The following GSN variants were observed in gnomAD, a reference collection of about 807,000 sequenced individuals.
The protein encoded by GSN is actin-depolymerizing factor.
A neutral mutation model predicts 85.7 loss-of-function variants in GSN; 56 were observed. The observed-to-expected ratio is 0.65, with a 90% CI of 0.53 to 0.82. The LOEUF (loss-of-function observed/expected upper bound fraction) is 0.82, where lower values mean the gene tolerates loss of function less well. GSN is among the 40% of genes least tolerant of loss of function. The probability of loss-of-function intolerance (pLI) is 0.00; values close to 1 mark genes in which losing one functional copy is unlikely to be tolerated. For missense variants in GSN, 857 were observed against 979.8 expected (o/e 0.87, Z 1.67); for synonymous variants, 373 against 399.1 (o/e 0.93, Z 0.78).
chr9:121,225,747 T>G (rs901184657), intron 4 of GSN, among the ~76,000 whole-genome samples: 1 of 152,196 alleles, frequency 6.6e-6, no homozygotes, highest in Non-Finnish European at 1.5e-5. Context: ...CTCCGAATGT[T>G]TTTGAGGAAT....
At position 121,329,189 on chromosome 9, in the gene GSN, AC is replaced by A. The variant is rs764368233; in HGVS notation, c.1888-46del. The A allele has an allele frequency of 2.7e-6, 4 of 1,504,484 alleles. No individual in the cohort carries two copies. Among genetic ancestry groups the A allele is most frequent in the Non-Finnish European group, 3.7e-6 (4 of 1,080,654 alleles). The allele number at this position is 1,504,484 out of a possible 1,614,324, so 93.2% of individuals were successfully genotyped here. On this transcript the variant is annotated intron_variant, in intron 15 of 17. Coordinates refer to ENST00000432226, the MANE Select transcript of GSN (RefSeq NM_198252.3). This position sits in a 1 kb window ranked among gnomAD's most constrained non-coding sequence, Gnocchi z 4.6. ...CTCAGGGGGCAGATAAAGGAAGGCC[AC>A]CCAGGGGAGGGAAGACATCTCACTG... is the stretch of plus-strand genomic sequence containing the variant.
chr9:121,268,971 G>C (rs545210484), intron 1 of GSN, among the ~76,000 whole-genome samples: 1 of 152,228 alleles, frequency 6.6e-6, no homozygotes, highest in Admixed American at 6.5e-5. Context: ...TCCTTGGAAG[G>C]CTGGGGGCTG....
At chr9:121,250,881 G>GT (rs1411914160) in intron 6 of GSN, among the ~76,000 whole-genome samples, 1 of 133,340 alleles carries the variant, frequency 7.5e-6, no homozygotes, top group Non-Finnish European at 1.7e-5. Flanking sequence ...GGGTGTGTGT[G>GT]TGTGTGTGTG....
intron 4 of GSN, among the ~76,000 whole-genome samples, chr9:121,228,424 A>ATTTTTT (rs869071386): frequency 4.2e-5 from 2 of 48,114 alleles, no homozygotes; most frequent in Non-Finnish European, 7.2e-5. Context: ...ATATATATAT[A>ATTTTTT]TTTTTTTTTT....
intron 6 of GSN, among the ~76,000 whole-genome samples, chr9:121,250,411 G>A (rs922219519): frequency 1.3e-5 from 2 of 152,132 alleles, no homozygotes; most frequent in South Asian, 4.2e-4. Context: ...TCACCATGTT[G>A]GCCAGGCTGG....
At chr9:121,249,177 G>A (rs945503824) in intron 6 of GSN, among the ~76,000 whole-genome samples, 1 of 152,128 alleles carries the variant, frequency 6.6e-6, no homozygotes, top group Admixed American at 6.5e-5. Context: ...AGATGCAAGA[G>A]ACTGGGCGTG....
intron 5 of GSN, chr9:121,239,033 A>T: frequency 2.2e-6 from 1 of 452,496 alleles, no homozygotes; most frequent in Non-Finnish European, 4.4e-6. Context: ...TGTCCCAGTC[A>T]GTTCAGAGAT....
chr9:121,251,300 G>C (rs560841992), intron 6 of GSN, among the ~76,000 whole-genome samples: 2 of 147,400 alleles, frequency 1.4e-5, no homozygotes, highest in East Asian at 4.1e-4. Flanking sequence ...TCCTGCCTCA[G>C]CCTCCCAATT....
intron 5 of GSN, among the ~76,000 whole-genome samples, chr9:121,241,300 T>C (rs2054598380): frequency 6.6e-6 from 1 of 152,244 alleles, no homozygotes; most frequent in Non-Finnish European, 1.5e-5. Flanking sequence ...ATTAATTCAC[T>C]GAAAGATTTC....
chr9:121,285,437 C>G (rs938870073), intron 2 of GSN: 1 of 167,180 alleles, frequency 6.0e-6, no homozygotes, highest in Non-Finnish European at 1.5e-5. Context: ...CACACAGAAG[C>G]CTGGACTGGG....
chr9:121,331,642 C>T (rs1341332386), intron 17 of GSN, 194 bp downstream of exon 17: 6 of 567,672 alleles, frequency 1.1e-5, no homozygotes, highest in Non-Finnish European at 1.9e-5. Context: ...TCAGTTCCTT[C>T]AGAAACCCTG....
In GSN at chr9:121,328,912, G is replaced by A. The variant is rs531299160; in HGVS notation, c.1784G>A (p.Gly595Asp). ...ACAGATGGCTTCTGGGAGGCCCTGG[G>A]CGGGAAGGCTGCCTACCGCACATCC... ...SEPDGFWEALGGKAAYRTSPR... is the reference protein window; with the variant it reads ...SEPDGFWEALDGKAAYRTSPR... Residue 595 changes from glycine to aspartate, a missense_variant, in exon 15 of 18, where the codon GGC becomes GAC. By Grantham distance (94) the Gly-to-Asp change is moderately conservative. Transcript: ENST00000432226. 10 of 1,612,714 alleles carry A rather than the reference G, an allele frequency of 6.2e-6. No individual in the cohort carries two copies. Among genetic ancestry groups the A allele is most frequent in the Middle Eastern group, 1.6e-4 (1 of 6,062 alleles).
chr9:121,269,220 G>A lies in GSN; in HGVS notation c.-103+1001G>A, dbSNP rs925872720. 2.0e-5 allele frequency among the ~76,000 whole-genome samples: 3 copies of A among 152,148 alleles called. No individual in the cohort carries two copies. In the East Asian group the frequency reaches 5.8e-4, roughly 29 times the overall value. On this transcript the variant is annotated intron_variant, in intron 1 of 17. Transcript: ENST00000432226. Reference sequence around the variant, plus strand: ...ACTTTTCAAACACTTAATCCTGTGTGTCCTGTTCTCCCAGGACCACATTTC... The same window carrying A: ...ACTTTTCAAACACTTAATCCTGTGTATCCTGTTCTCCCAGGACCACATTTC...
At chr9:121,229,380 C>G (rs2054342104) in intron 4 of GSN, among the ~76,000 whole-genome samples, 1 of 152,138 alleles carries the variant, frequency 6.6e-6, no homozygotes, top group Non-Finnish European at 1.5e-5. Context: ...GCCACCACAC[C>G]CGGCTAATTT....
intron 1 of GSN, among the ~76,000 whole-genome samples, chr9:121,272,766 A>G (rs1042096243): frequency 1.9e-4 from 29 of 152,158 alleles, no homozygotes; most frequent in Non-Finnish European, 5.9e-5. Context: ...GAGGGGAGAG[A>G]TAGTGACTCC....
rs531031652 is a variant in GSN at position 121,326,162 on chromosome 9, C to T, written c.1417-350C>T. ...CACCAGCAGTCATGCCCAGGCCTGA[C>T]GTCAGCATTCTGGAAGAATGTCCAC... On this transcript the variant is annotated intron_variant, in intron 12 of 17. Transcript: ENST00000432226. 5.3e-5 allele frequency among the ~76,000 whole-genome samples: 8 copies of T among 150,720 alleles called. No homozygotes were observed. The South Asian group carries it at 6.3e-4, about 12-fold the overall frequency.
At position 121,261,592 on chromosome 9, in the gene GSN, A is replaced by G. The variant is rs1396713904; in HGVS notation, c.-340-3562A>G. On this transcript the variant is annotated intron_variant, in intron 6 of 24. Transcript: ENST00000373823. This position sits in a 1 kb window ranked among gnomAD's most constrained non-coding sequence, Gnocchi z 4.1. ...GAAATTTTCGTCAGCTTTGGAGGAG[A>G]TAATGCCCAGAGCAGGCATCCATGA... Among the ~76,000 whole-genome samples, 1 of 152,192 alleles carries G rather than the reference A, an allele frequency of 6.6e-6. No individual in the cohort carries two copies. The highest frequency in any genetic ancestry group is 1.5e-5 in the Non-Finnish European group (1 of 68,034).
At chr9:121,315,209 T>C (rs2061576981) in intron 7 of GSN, among the ~76,000 whole-genome samples, 2 of 152,180 alleles carry the variant, frequency 1.3e-5, no homozygotes, top group Non-Finnish European at 2.9e-5. Context: ...TGTTGTGTGG[T>C]CTTTTTTCCA....
At chr9:121,246,991 G>A (rs1210963066) in intron 5 of GSN, among the ~76,000 whole-genome samples, 3 of 152,176 alleles carry the variant, frequency 2.0e-5, no homozygotes, top group Non-Finnish European at 4.4e-5. Context: ...GAGACGTGTA[G>A]GTGGGAAGTG....
Sources: gnomAD v4.1 joint callset for allele counts (sites outside exome capture counted in the v4.1 genomes callset) on GRCh38, gnomAD v4.1.1 for gene constraint, Gnocchi (gnomAD v3.1) non-coding constraint, MANE v1.5 for transcripts, NCBI Gene and HGNC (gene_info 2026-07-23, HGNC 2026-07-21) for gene names.